Variants in ATP8B3 observed in about 807,000 individuals in gnomAD.
The protein encoded by ATP8B3 is phospholipid-transporting ATPase IK.
In ATP8B3, 141 loss-of-function variants were observed where a neutral mutation model predicts 140.9. The ratio of observed to expected loss-of-function variants is 1.00; its 90% CI spans 0.87 to 1.15. ATP8B3 has a LOEUF of 1.15. ATP8B3 is among the 50% of genes most tolerant of loss of function. The pLI is 0.00. For missense variants in ATP8B3, 1,874 were observed against 1,740.6 expected, an observed-to-expected ratio of 1.08 and a Z score of -1.36; for synonymous variants, 765 against 714.6, an observed-to-expected ratio of 1.07 and a Z score of -1.13.
rs557186274 is a variant in ATP8B3, at chr19:1,792,686, C to T, written c.2056-551G>A. 1.1e-3 allele frequency among the ~76,000 whole-genome samples: 165 copies of T among 151,684 alleles called. 1 individual carries two copies. The highest frequency in any genetic ancestry group is 3.8e-3 in the African/African-American group (158 of 41,364). ...CAGCACTTTGGGAGGCCGAGGCAGG[C>T]GGATCACTTGAGGCCAGGAGTTTGA... On this transcript the variant is annotated intron_variant, in intron 18 of 28. Transcript: ENST00000310127.
At chr19:1,796,385 C>G in intron 16 of ATP8B3, 120 bp from the exon 17 acceptor site, 1 of 1,008,920 alleles carries the variant, frequency 9.9e-7, no homozygotes, top group Non-Finnish European at 1.4e-6. Flanking sequence ...CGGGGACCCC[C>G]GCCTGTACAA....
chr19:1,800,694 G>A lies in ATP8B3; in HGVS notation c.1153-245C>T, dbSNP rs938961485. On this transcript the variant is annotated intron_variant, in intron 12 of 28. Transcript: ENST00000310127. This position sits in a 1 kb window ranked among gnomAD's most constrained non-coding sequence, Gnocchi z 4.4. ...AAATAAATTAGTCAGGCATGGTGGC[G>A]CACACCTGTAGTCTCAGCTGCTCAG... Among the ~76,000 whole-genome samples the A allele has an allele frequency of 3.3e-5, 5 of 152,118 alleles. No homozygotes were observed. Among genetic ancestry groups the A allele is most frequent in the African/African-American group, 1.2e-4 (5 of 41,428 alleles).
intron 28 of ATP8B3, among the ~76,000 whole-genome samples, 187 bp from the exon 29 acceptor site, chr19:1,783,457 G>A (rs2068217426): frequency 6.6e-6 from 1 of 152,160 alleles, no homozygotes; most frequent in African/African-American, 2.4e-5. Context: ...GAGGACTCTA[G>A]TCCTTTGCTT....
Position 1,789,593 on chromosome 19 carries a change from C to G in ATP8B3, c.2613G>C (p.Arg871=), listed in dbSNP as rs1181283596. The part of the protein sequence containing the change: ...LYARRLSLLC[R]RFGLPLAAPP... ...GTGCAGCCAGCGGGAGCCCGAACCT[C>G]CGGCACAGCAGGGACAGGCGCCTGG... Residue 871 remains arginine (R), a synonymous_variant, in exon 23 of 29, where the codon CGG becomes CGC. Transcript: ENST00000310127. 1 of 1,593,668 alleles carries G rather than the reference C, an allele frequency of 6.3e-7. No individual in the cohort carries two copies. Among genetic ancestry groups the G allele is most frequent in the African/African-American group, 1.3e-5 (1 of 74,590 alleles).
chr19:1,805,142 C>T lies in ATP8B3; in HGVS notation c.904+232G>A, dbSNP rs1346465801. ...CGGCATGTGCCACCACGCCCAGCTA[C>T]TTGTTTTATTTTTGTAGAGATGGGG... On this transcript the variant is annotated intron_variant, in intron 10 of 28. Coordinates refer to ENST00000310127, the MANE Select transcript of ATP8B3 (RefSeq NM_138813.4). The surrounding 1 kb of genome is among the most constrained non-coding windows in gnomAD (Gnocchi z 5.2). 2 of 505,952 alleles carry T rather than the reference C, an allele frequency of 4.0e-6. No homozygotes were observed. Among genetic ancestry groups the T allele is most frequent in the Non-Finnish European group, 7.3e-6 (2 of 274,150 alleles). The allele number at this position is 505,952 out of a possible 1,614,324, so 31.3% of individuals were successfully genotyped here. A position where few individuals can be genotyped will look rare whatever the true frequency, so the allele number is the denominator to read the frequency against.
At chr19:1,792,600 A>G (rs1029951628) in intron 18 of ATP8B3, among the ~76,000 whole-genome samples, 10 of 146,816 alleles carry the variant, frequency 6.8e-5, no homozygotes, top group Non-Finnish European at 1.2e-4. Context: ...AAAAAAATAG[A>G]AAAAACAATA....
At position 1,807,967 on chromosome 19, in the gene ATP8B3, C is replaced by A. The variant is rs918747135; in HGVS notation, c.516+255G>T. ...AACAGCTATGCCTCCCGATGCCCAG[C>A]CCTGCCCAGCAGGAACCAGCGGGGC... On this transcript the variant is annotated intron_variant, in intron 5 of 28. Transcript: ENST00000310127. The surrounding 1 kb of genome is among the most constrained non-coding windows in gnomAD (Gnocchi z 5.9). Among the ~76,000 whole-genome samples, 1 of 152,252 alleles carries A rather than the reference C, an allele frequency of 6.6e-6. No individual in the cohort carries two copies. The highest frequency in any genetic ancestry group is 1.5e-5 in the Non-Finnish European group (1 of 68,042).
chr19:1,799,997 G>A lies in ATP8B3; in HGVS notation c.1502C>T (p.Thr501Met), dbSNP rs1375279107. 22 of 1,606,528 alleles carry A rather than the reference G, an allele frequency of 1.4e-5. No individual in the cohort carries two copies. The highest frequency in any genetic ancestry group is 2.7e-5 in the African/African-American group (2 of 74,846). ...YIFSDKTGTLTQNILTFNKCC... is the reference protein window; with the variant it reads ...YIFSDKTGTLMQNILTFNKCC... ...CTTGTTGAAGGTCAAGATGTTCTGC[G>A]TGAGCGTGCCCGTCTTGTCCGAGAA... The change falls in exon 14 of 29, where the codon ACG becomes ATG. Residue 501 changes from threonine (T) to methionine (M), a missense_variant. By Grantham distance (81) the Thr-to-Met change is moderately conservative. This residue lies in a region of ATP8B3 where 1,032 missense variants were observed against 963.6 expected (regional missense o/e 1.07). Coordinates refer to ENST00000310127, the MANE Select transcript of ATP8B3 (RefSeq NM_138813.4).
intron 18 of ATP8B3, among the ~76,000 whole-genome samples, chr19:1,793,792 G>T (rs1251377856): frequency 6.6e-6 from 1 of 152,118 alleles, no homozygotes; most frequent in Non-Finnish European, 1.5e-5. Context: ...GCCCAGGCTG[G>T]AGTGTAGTGG....
At chr19:1,787,033 CAAGGAGCGGAGGAGAG>C in intron 25 of ATP8B3, 54 bp downstream of exon 25, 2 of 1,430,448 alleles carry the variant, frequency 1.4e-6, no homozygotes, top group South Asian at 2.5e-5. Flanking sequence ...CTCCCCGCCC[CAAGGAGCGGAGGAGAG>C]GAGGAGAGGC....
intron 11 of ATP8B3, 22 bp downstream of exon 11, chr19:1,802,465 C>A: frequency 6.6e-7 from 1 of 1,520,936 alleles, no homozygotes; most frequent in Non-Finnish European, 8.8e-7. Flanking sequence ...GCTCCCACTC[C>A]AGGACCCTGG....
chr19:1,808,370 G>A (rs2069091911), intron 4 of ATP8B3, 35 bp from the exon 5 acceptor site: 1 of 1,542,760 alleles, frequency 6.5e-7, no homozygotes. Context: ...TGGCAGAGGG[G>A]TGCCATCCAG....
chr19:1,797,879 A>G (rs990211286), intron 14 of ATP8B3, among the ~76,000 whole-genome samples: 2 of 152,004 alleles, frequency 1.3e-5, no homozygotes, highest in Non-Finnish European at 2.9e-5. Flanking sequence ...ATCATAGCTC[A>G]CTGCAGCCTC....
intron 22 of ATP8B3, 22 bp downstream of exon 22, chr19:1,789,868 G>A (rs1439416973): frequency 3.7e-6 from 6 of 1,605,874 alleles, no homozygotes; most frequent in African/African-American, 1.3e-5. Flanking sequence ...GGACCCCGCC[G>A]TCCACCCTGA....
chr19:1,809,506 A>ATAAAAC (rs1180316599), intron 4 of ATP8B3, 137 bp downstream of exon 4: 10 of 760,318 alleles, frequency 1.3e-5, no homozygotes, highest in Non-Finnish European at 1.7e-5. Flanking sequence ...AGAAAGAAAA[A>ATAAAAC]GAAAACGAAA....
intron 28 of ATP8B3, among the ~76,000 whole-genome samples, chr19:1,783,610 CCCGACTCTGGACCAGCCA>C (rs1179714004): frequency 6.6e-6 from 1 of 152,220 alleles, no homozygotes. Flanking sequence ...AGAGTCCTTC[CCCGACTCTGGACCAGCCA>C]CCAGGTGCCT....
chr19:1,784,750 C>T (rs1322743244), intron 28 of ATP8B3, 69 bp downstream of exon 28: 6 of 1,504,036 alleles, frequency 4.0e-6, no homozygotes, highest in Non-Finnish European at 5.3e-6. Flanking sequence ...GTCCCTACGC[C>T]CTGCACGGCT....
chr19:1,791,369 G>A lies in ATP8B3; in HGVS notation c.2302+381C>T, dbSNP rs371205683. Among the ~76,000 whole-genome samples, 133 of 149,240 alleles carry A rather than the reference G, an allele frequency of 8.9e-4. 2 individuals are homozygous for A. In the South Asian group the frequency reaches 0.02, roughly 23 times the overall value. On this transcript the variant is annotated intron_variant, in intron 20 of 28. Transcript: ENST00000310127. ...TGAGACCACAAGCATGTGCCACTGCGCTCCTCTGAGAGTTGCAGCATTTTT... is the reference window on the plus strand; with the variant it reads ...TGAGACCACAAGCATGTGCCACTGCACTCCTCTGAGAGTTGCAGCATTTTT...
intron 28 of ATP8B3, 73 bp downstream of exon 28, chr19:1,784,746 A>G: frequency 6.7e-7 from 1 of 1,492,824 alleles, no homozygotes; most frequent in Admixed American, 2.2e-5. Flanking sequence ...TGCAGTCCCT[A>G]CGCCCTGCAC....
Sources: gnomAD v4.1 joint callset for allele counts (sites outside exome capture counted in the v4.1 genomes callset) on GRCh38, gnomAD v4.1.1 for gene constraint, gnomAD v4.1.1 regional missense constraint, Gnocchi (gnomAD v3.1) non-coding constraint, MANE v1.5 for transcripts, NCBI Gene and HGNC (gene_info 2026-07-23, HGNC 2026-07-21) for gene names.